ADGRB3: variants seen among roughly 807,000 people sequenced by gnomAD.
The protein encoded by ADGRB3 is brain-specific angiogenesis inhibitor 3.
In ADGRB3, 37 loss-of-function variants were observed where a neutral mutation model predicts 193.4. The ratio of observed to expected loss-of-function variants is 0.19; its 90% confidence interval spans 0.15 to 0.25. The LOEUF (loss-of-function observed/expected upper bound fraction) is 0.25, where lower values mean the gene tolerates loss of function less well. ADGRB3 is among the 10% of genes least tolerant of loss of function. The pLI, the probability that ADGRB3 is intolerant of heterozygous loss-of-function variation, is 1.00. For synonymous variants in ADGRB3, 690 were observed against 644.2 expected (o/e 1.07, Z -1.08); for missense variants, 1,637 against 1,852.9 (o/e 0.88, Z 2.14).
At chr6:68,674,730 A>G (rs953740719) in intron 3 of ADGRB3, among the ~76,000 whole-genome samples, 1 of 152,242 alleles carries the variant, frequency 6.6e-6, no homozygotes, top group African/African-American at 2.4e-5. Flanking sequence ...GATGCAAAGA[A>G]CAAAAGGAAG....
intron 16 of ADGRB3, among the ~76,000 whole-genome samples, chr6:69,066,065 T>C (rs1771895284): frequency 6.6e-6 from 1 of 151,830 alleles, no homozygotes; most frequent in South Asian, 2.1e-4. Flanking sequence ...CATCCATGGA[T>C]TTTGGTATCT....
rs566735915 is a variant in ADGRB3 at position 69,271,232 on chromosome 6, A to C, written c.2814+32006A>C. Among the ~76,000 whole-genome samples, 29 of 152,294 alleles carry C rather than the reference A, an allele frequency of 1.9e-4. No individual in the cohort carries two copies. In the East Asian group the frequency reaches 5.2e-3, roughly 27 times the overall value. On this transcript the variant is annotated intron_variant, in intron 20 of 31. Coordinates refer to ENST00000370598, the MANE Select transcript of ADGRB3 (RefSeq NM_001704.3). ...TCAGGATGGTGGTTACCACAGGTTG[A>C]GAGAGCTGAGAGGACTGGTTGGCAG... is the stretch of plus-strand genomic sequence containing the variant.
At chr6:68,999,228 A>G (rs1276402023) in intron 11 of ADGRB3, among the ~76,000 whole-genome samples, 1 of 151,654 alleles carries the variant, frequency 6.6e-6, no homozygotes, top group African/African-American at 2.4e-5. Flanking sequence ...TAACTCCAAG[A>G]CTATTCATTA....
intron 13 of ADGRB3, among the ~76,000 whole-genome samples, chr6:69,042,988 T>A (rs1413507681): frequency 6.6e-6 from 1 of 152,182 alleles, no homozygotes; most frequent in East Asian, 1.9e-4. Context: ...GCTGTGGAAC[T>A]TGAGTTACTG....
At chr6:69,278,818 A>C (rs1767356564) in intron 20 of ADGRB3, among the ~76,000 whole-genome samples, 1 of 151,894 alleles carries the variant, frequency 6.6e-6, no homozygotes, top group African/African-American at 2.4e-5. Context: ...TTGTCTTAGA[A>C]GGTTATTCTG....
chr6:68,657,361 G>A (rs1768513975), intron 3 of ADGRB3, among the ~76,000 whole-genome samples: 1 of 151,344 alleles, frequency 6.6e-6, no homozygotes, highest in African/African-American at 2.4e-5. Flanking sequence ...ATGTAACTAA[G>A]AATTAAATGT....
At chr6:69,050,690 T>G (rs1582422928) in intron 15 of ADGRB3, among the ~76,000 whole-genome samples, 1 of 152,202 alleles carries the variant, frequency 6.6e-6, no homozygotes, top group Non-Finnish European at 1.5e-5. Context: ...AAGCTTATAT[T>G]TTAAGAACTC....
intron 17 of ADGRB3, among the ~76,000 whole-genome samples, chr6:69,151,834 T>C (rs1278810474): frequency 6.6e-6 from 1 of 152,192 alleles, no homozygotes; most frequent in African/African-American, 2.4e-5. Flanking sequence ...GTTCCTATAG[T>C]CCCCATGTGC....
intron 20 of ADGRB3, among the ~76,000 whole-genome samples, chr6:69,257,187 A>G (rs535027954): frequency 1.3e-5 from 2 of 152,250 alleles, no homozygotes; most frequent in South Asian, 2.1e-4. Context: ...GTCTCTGCCC[A>G]GCTTTGGTAT....
At chr6:69,273,085 G>A (rs996017194) in intron 20 of ADGRB3, among the ~76,000 whole-genome samples, 1 of 152,128 alleles carries the variant, frequency 6.6e-6, no homozygotes, top group Admixed American at 6.5e-5. Flanking sequence ...AATTTTAGTA[G>A]AGACGGGGTT....
At chr6:68,765,537 G>GAGACACACAC (rs1766492287) in intron 3 of ADGRB3, among the ~76,000 whole-genome samples, 1 of 143,462 alleles carries the variant, frequency 7.0e-6, no homozygotes, top group Non-Finnish European at 1.5e-5. Flanking sequence ...TATTCTTATA[G>GAGACACACAC]ACACACACAC....
chr6:68,886,652 CAGAAAACTAAAG>C (rs1325846067), intron 3 of ADGRB3, among the ~76,000 whole-genome samples: 4 of 152,102 alleles, frequency 2.6e-5, no homozygotes, highest in Admixed American at 2.6e-4. Context: ...AACCCAGATT[CAGAAAACTAAAG>C]AGCAAAAATA....
intron 17 of ADGRB3, among the ~76,000 whole-genome samples, chr6:69,141,877 C>T (rs62406794): frequency 0.12 from 17,953 of 152,158 alleles, 1,123 homozygotes; most frequent in African/African-American, 0.13. Context: ...CTGAGATTTG[C>T]CTATATGAAG....
chr6:69,066,493 T>C (rs1771913096), intron 16 of ADGRB3, among the ~76,000 whole-genome samples: 1 of 152,028 alleles, frequency 6.6e-6, no homozygotes, highest in Non-Finnish European at 1.5e-5. Context: ...ACAAATAGCA[T>C]TTACAATATG....
chr6:68,697,359 T>C (rs973795373), intron 3 of ADGRB3, among the ~76,000 whole-genome samples: 16 of 152,012 alleles, frequency 1.1e-4, no homozygotes, highest in African/African-American at 3.6e-4. Flanking sequence ...TCAATGCTTA[T>C]AATACTAGTC....
Position 69,171,518 on chromosome 6 carries a change from G to A in ADGRB3, c.2481-61772G>A, listed in dbSNP as rs1250729882. ...GGTAAGGTAACTCAAAGTTCTAGTT[G>A]TATGAAGATGCATATGATTTATCTT... On this transcript the variant is annotated intron_variant, in intron 17 of 31. Transcript: ENST00000370598. Among the ~76,000 whole-genome samples the A allele has an allele frequency of 3.9e-5, 6 of 152,258 alleles. 1 individual carries two copies. Among genetic ancestry groups the A allele is most frequent in the African/African-American group, 9.6e-5 (4 of 41,538 alleles).
At chr6:69,069,954 A>G (rs945635720) in intron 16 of ADGRB3, among the ~76,000 whole-genome samples, 2 of 152,182 alleles carry the variant, frequency 1.3e-5, no homozygotes, top group East Asian at 1.9e-4. Context: ...CTTGCCATCT[A>G]AAATTTAGGA....
rs1390779709 is a variant in ADGRB3, at chr6:69,389,157, G to A, written c.*266G>A. ...TCTTTATAGATAAACCTCAAGCAAC[G>A]ATTCATGTTGTAACCGCTTCATATG... On this transcript the variant is annotated 3_prime_UTR_variant, in exon 32 of 32. Coordinates refer to ENST00000370598, the MANE Select transcript of ADGRB3 (RefSeq NM_001704.3). 1.1e-5 allele frequency: 3 copies of A among 271,534 alleles called. No homozygotes were observed. Among genetic ancestry groups the A allele is most frequent in the East Asian group, 1.3e-4 (2 of 14,842 alleles). The allele number at this position is 271,534 out of a possible 1,614,324, so 16.8% of individuals were successfully genotyped here. A position where few individuals can be genotyped will look rare whatever the true frequency, so the allele number is the denominator to read the frequency against.
chr6:69,150,104 C>G (rs571143363), intron 17 of ADGRB3, among the ~76,000 whole-genome samples: 1 of 152,182 alleles, frequency 6.6e-6, no homozygotes, highest in South Asian at 2.1e-4. Flanking sequence ...GTAACCACTA[C>G]CTGAATACTG....
Sources: gnomAD v4.1 joint callset for allele counts (sites outside exome capture counted in the v4.1 genomes callset) on GRCh38, gnomAD v4.1.1 for gene constraint, MANE v1.5 for transcripts, NCBI Gene and HGNC (gene_info 2026-07-23, HGNC 2026-07-21) for gene names.